KLHL15: variants seen among roughly 807,000 people sequenced by gnomAD.
KLHL15 encodes the protein kelch-like protein 15.
A neutral mutation model predicts 29.3 loss-of-function variants in KLHL15; 1 was observed. The ratio of observed to expected loss-of-function variants is 0.03; its 90% confidence interval spans 0.01 to 0.16. The LOEUF is 0.16. Among genes scored for constraint, KLHL15 ranks in the 10% least tolerant of loss-of-function variants. The pLI, the probability that KLHL15 is intolerant of heterozygous loss-of-function variation, is 1.00. For synonymous variants in KLHL15, 212 were observed against 184.5 expected (o/e 1.15, Z -1.21); for missense variants, 215 against 478.5 (o/e 0.45, Z 5.14).
At chrX:24,011,470 C>T (rs770874770) in intron 2 of KLHL15, among the ~76,000 whole-genome samples, 17 of 111,720 alleles carry the variant, frequency 1.5e-4, no homozygotes, top group Non-Finnish European at 2.8e-4. Context: ...ATGGTGAAAC[C>T]CCATCTCTAC....
At position 23,985,602 on chromosome X, in the gene KLHL15, G is replaced by A. The variant is rs1020484062; in HGVS notation, c.*2319C>T. 1 of 112,299 alleles carries A rather than the reference G, an allele frequency of 8.9e-6. No individual in the cohort carries two copies. The highest frequency in any genetic ancestry group is 9.5e-5 in the Admixed American group (1 of 10,560). 9.3% of individuals were successfully genotyped at this position (112,299 alleles called of 1,213,427 possible). A position where few individuals can be genotyped will look rare whatever the true frequency, so the allele number is the denominator to read the frequency against. ...GAGTTAGTTCAAGTTAAGATTTTAC[G>A]AATTTTACAAAACATGAACTTTGAT... On this transcript the variant is annotated 3_prime_UTR_variant, in exon 4 of 4. Transcript: ENST00000328046.
intron 3 of KLHL15, among the ~76,000 whole-genome samples, chrX:23,994,600 T>G (rs1929148757): frequency 8.9e-6 from 1 of 112,000 alleles, no homozygotes; most frequent in Admixed American, 9.5e-5. Flanking sequence ...AGTTTATCTG[T>G]GTATCAGGTA....
intron 1 of KLHL15, among the ~76,000 whole-genome samples, chrX:24,026,841 C>T (rs1187260330): frequency 8.9e-6 from 1 of 111,801 alleles, no homozygotes; most frequent in African/African-American, 3.2e-5. Flanking sequence ...CACTGAAATT[C>T]CCAAGTTGTT....
chrX:24,017,082 T>C (rs1487804409), intron 2 of KLHL15, among the ~76,000 whole-genome samples: 2 of 109,621 alleles, frequency 1.8e-5, no homozygotes, highest in Non-Finnish European at 3.8e-5. Flanking sequence ...CGTGGTAGTG[T>C]GTGCCTGTAG....
intron 3 of KLHL15, among the ~76,000 whole-genome samples, chrX:23,995,288 T>A (rs1929162994): frequency 9.2e-6 from 1 of 108,965 alleles, no homozygotes; most frequent in African/African-American, 3.4e-5. Context: ...GCGCCTGTAG[T>A]CCCAGTTACT....
At chrX:24,007,518 T>A (rs1249556228) in intron 2 of KLHL15, among the ~76,000 whole-genome samples, 2 of 78,857 alleles carry the variant, frequency 2.5e-5, no homozygotes, top group African/African-American at 1.2e-4. Flanking sequence ...AATATATATA[T>A]ATATATATAT....
intron 3 of KLHL15, among the ~76,000 whole-genome samples, chrX:23,995,218 A>G (rs975279872): frequency 3.6e-5 from 4 of 111,024 alleles, no homozygotes; most frequent in Non-Finnish European, 7.5e-5. Flanking sequence ...TCAAAATGTT[A>G]TATCATAGTG....
intron 2 of KLHL15, among the ~76,000 whole-genome samples, chrX:24,024,418 G>A (rs773707093): frequency 8.9e-6 from 1 of 111,983 alleles, no homozygotes; most frequent in African/African-American, 3.2e-5. Flanking sequence ...TCTCAACCCT[G>A]CGATGTTGGT....
Position 23,986,919 on chromosome X carries a change from G to C in KLHL15, c.*1002C>G, listed in dbSNP as rs918913069. 1 of 111,985 alleles carries C rather than the reference G, an allele frequency of 8.9e-6. No individual in the cohort carries two copies. The highest frequency in any genetic ancestry group is 1.9e-5 in the Non-Finnish European group (1 of 53,197). The allele number at this position is 111,985 out of a possible 1,213,427, so 9.2% of individuals were successfully genotyped here. A position where few individuals can be genotyped will look rare whatever the true frequency, so the allele number is the denominator to read the frequency against. On this transcript the variant is annotated 3_prime_UTR_variant, in exon 4 of 4. Transcript: ENST00000328046. Reference sequence around the variant, plus strand: ...TGCTCTTTAAAAGTGCTTGCATGCTGCAGGGCCAGAACTTGTCATATACCA... The same window carrying C: ...TGCTCTTTAAAAGTGCTTGCATGCTCCAGGGCCAGAACTTGTCATATACCA...
At chrX:23,991,934 T>TA (rs775384026) in intron 3 of KLHL15, among the ~76,000 whole-genome samples, 2 of 112,501 alleles carry the variant, frequency 1.8e-5, no homozygotes, top group East Asian at 5.5e-4. Flanking sequence ...TAGTGTGCCT[T>TA]ACCGATTTTT....
rs766892828 is a variant in KLHL15 at position 24,022,264 on chromosome X, G to A, written c.-8+2593C>T. Among the ~76,000 whole-genome samples the A allele has an allele frequency of 7.4e-3, 787 of 106,386 alleles. 5 individuals carry two copies. Among genetic ancestry groups the A allele is most frequent in the Non-Finnish European group, 0.012 (639 of 51,693 alleles). 92.4% of individuals were successfully genotyped at this position (106,386 alleles called of 115,157 possible). Reference sequence around the variant, plus strand: ...GCAGGAGAATCACTTGAACCCGGGAGGCGGAGGTTGCAGTGAGCCGAGATC... The same window carrying A: ...GCAGGAGAATCACTTGAACCCGGGAAGCGGAGGTTGCAGTGAGCCGAGATC... On this transcript the variant is annotated intron_variant, in intron 2 of 3. Coordinates refer to ENST00000328046, the MANE Select transcript of KLHL15 (RefSeq NM_030624.3).
intron 3 of KLHL15, among the ~76,000 whole-genome samples, chrX:23,993,858 G>A (rs953900259): frequency 2.8e-5 from 3 of 108,182 alleles, no homozygotes; most frequent in Non-Finnish European, 3.8e-5. Flanking sequence ...GCGAAATCCC[G>A]TCACTACAAA....
chrX:24,009,479 CAA>C (rs1383956656), intron 2 of KLHL15, among the ~76,000 whole-genome samples: 1 of 109,768 alleles, frequency 9.1e-6, no homozygotes, highest in Non-Finnish European at 1.9e-5. Context: ...GCCTGGGCGA[CAA>C]GAGTGAAACT....
chrX:23,997,754 A>AAAATTT (rs1555975594), intron 3 of KLHL15, among the ~76,000 whole-genome samples: 2 of 67,178 alleles, frequency 3.0e-5, no homozygotes, highest in Non-Finnish European at 4.7e-5. Flanking sequence ...AAAAAAAAAA[A>AAAATTT]TTTTTTTTTT....
intron 3 of KLHL15, among the ~76,000 whole-genome samples, chrX:23,996,205 G>A (rs1169651269): frequency 8.9e-6 from 1 of 112,172 alleles, no homozygotes; most frequent in African/African-American, 3.2e-5. Context: ...TGTGTGAACA[G>A]GCACCTCTCT....
rs1928948900 is a variant in KLHL15 at position 23,984,356 on chromosome X, AT to A, written c.*3564del. The A allele has an allele frequency of 8.9e-6, 1 of 112,004 alleles. No individual in the cohort carries two copies. The highest frequency in any genetic ancestry group is 3.7e-4 in the South Asian group (1 of 2,734). The allele number at this position is 112,004 out of a possible 1,213,427, so 9.2% of individuals were successfully genotyped here. A position where few individuals can be genotyped will look rare whatever the true frequency, so the allele number is the denominator to read the frequency against. On this transcript the variant is annotated 3_prime_UTR_variant, in exon 4 of 4. Coordinates refer to ENST00000328046, the MANE Select transcript of KLHL15 (RefSeq NM_030624.3). ...TAAGATAAATCTCTTTTTAGAAGAT[AT>A]TTATTCCCAAACCAACTCTAAATGT...
chrX:24,020,793 GTTCTA>G (rs1485399168), intron 2 of KLHL15, among the ~76,000 whole-genome samples: 1 of 111,789 alleles, frequency 8.9e-6, no homozygotes, highest in African/African-American at 3.2e-5. Flanking sequence ...AATCTTCTAA[GTTCTA>G]TTCTAACATG....
At chrX:24,004,238 C>T (rs1464825733) in intron 3 of KLHL15, among the ~76,000 whole-genome samples, 1 of 111,349 alleles carries the variant, frequency 9.0e-6, no homozygotes, top group Non-Finnish European at 1.9e-5. Context: ...TAACTGTAAT[C>T]CCAGCTACTC....
chrX:24,021,592 T>A (rs1350482857), intron 2 of KLHL15, among the ~76,000 whole-genome samples: 1 of 112,545 alleles, frequency 8.9e-6, no homozygotes, highest in Admixed American at 9.5e-5. Context: ...AATAAGTGCT[T>A]AATAAATATT....
Sources: allele counts gnomAD v4.1 joint callset (sites outside exome capture counted in the v4.1 genomes callset), GRCh38; gene constraint gnomAD v4.1.1; transcripts MANE v1.5; gene names NCBI Gene and HGNC (gene_info 2026-07-23, HGNC 2026-07-21).